ZFP64: variants seen among roughly 807,000 people sequenced by gnomAD.
ZFP64 encodes ZFP64 zinc finger protein.
A neutral mutation model predicts 51.6 loss-of-function variants in ZFP64; 14 were observed. The ratio of observed to expected loss-of-function variants is 0.27; its 90% CI spans 0.18 to 0.42. The LOEUF is 0.42. Among genes scored for constraint, ZFP64 ranks in the 10% least tolerant of loss-of-function variants. The pLI is 1.00. For missense variants in ZFP64, 754 were observed against 906.8 expected (o/e 0.83, Z 2.16); for synonymous variants, 375 against 361.4 (o/e 1.04, Z -0.43).
At position 52,152,266 on chromosome 20, in the gene ZFP64, G is replaced by T; in HGVS notation, c.1926C>A (p.Thr642=). 1 of 1,614,044 alleles carries T rather than the reference G, an allele frequency of 6.2e-7. No individual in the cohort carries two copies. Among genetic ancestry groups the T allele is most frequent in the Non-Finnish European group, 8.5e-7 (1 of 1,179,994 alleles). ...AGGAGGAGAAGACCGGTGGCGCTGT[G>T]GTGGCCACTGCGATGTTCTGGCCTC... The part of the protein sequence containing the change: ...SDGGQNIAVA[T]TAPPVFSSSS... Residue 642 remains threonine (T), a synonymous_variant, in exon 6 of 6, where the codon ACC becomes ACA. Coordinates refer to ENST00000216923, the MANE Select transcript of ZFP64 (RefSeq NM_018197.3).
intron 5 of ZFP64, chr20:52,110,617 C>T: frequency 1.1e-6 from 1 of 917,252 alleles, no homozygotes; most frequent in Admixed American, 2.4e-5. Context: ...GCCAGAGGCC[C>T]TGATGAACTC....
At chr20:52,128,414 C>A (rs2059375403) in intron 5 of ZFP64, among the ~76,000 whole-genome samples, 1 of 152,176 alleles carries the variant, frequency 6.6e-6, no homozygotes. Context: ...TATTCTGTAG[C>A]TGGAGAAAGG....
In ZFP64 at chr20:52,105,177, G is replaced by A. The variant is rs764471544; in HGVS notation, c.764-6590C>T. 8.3e-6 allele frequency: 12 copies of A among 1,438,934 alleles called. No homozygotes were observed. In the Admixed American group the frequency reaches 1.1e-4, roughly 13 times the overall value. The allele number at this position is 1,438,934 out of a possible 1,614,324, so 89.1% of individuals were successfully genotyped here. A position where few individuals can be genotyped will look rare whatever the true frequency, so the allele number is the denominator to read the frequency against. ...GGGGCCACCTCCGCACACTCCCGGC[G>A]CGCAGGCCGCGGCTCCTCGGAGTTG... On this transcript the variant is annotated intron_variant, in intron 5 of 8. Transcript: ENST00000361387.
chr20:52,173,827 T>G (rs1426059837), intron 2 of ZFP64, among the ~76,000 whole-genome samples: 4 of 151,996 alleles, frequency 2.6e-5, no homozygotes, highest in Non-Finnish European at 5.9e-5. Flanking sequence ...TTTTGTATTT[T>G]TAGCAGAGAT....
intron 5 of ZFP64, among the ~76,000 whole-genome samples, chr20:52,137,498 C>T (rs1980035585): frequency 6.6e-6 from 1 of 152,176 alleles, no homozygotes. Context: ...CACCTATGTG[C>T]CCTTCTGAGG....
chr20:52,117,699 T>C (rs67904269), intron 5 of ZFP64: 214,660 of 456,300 alleles, frequency 0.47, 53,022 homozygotes, highest in Admixed American at 0.58. Context: ...AAGTGCAGCA[T>C]GGGTGTGGAC....
At position 52,153,733 on chromosome 20, in the gene ZFP64, C is replaced by T. The variant is rs994480291; in HGVS notation, c.764-305G>A. ...TGTTATATTCTTTAAAACACTCAAA[C>T]TATCTTTCATACAGTTAATTTGCCC... On this transcript the variant is annotated intron_variant, in intron 5 of 5. Transcript: ENST00000216923. This position sits in a 1 kb window ranked among gnomAD's most constrained non-coding sequence, Gnocchi z 5.1. Among the ~76,000 whole-genome samples the T allele has an allele frequency of 3.3e-5, 5 of 152,242 alleles. No homozygotes were observed. The highest frequency in any genetic ancestry group is 2.0e-4 in the Admixed American group (3 of 15,278).
downstream of ZFP64, among the ~76,000 whole-genome samples, chr20:52,147,028 A>G (rs1157747230): frequency 1.3e-5 from 2 of 152,228 alleles, no homozygotes; most frequent in African/African-American, 4.8e-5. Flanking sequence ...TTAAGAAGAT[A>G]TTTGATAAAA....
chr20:52,123,172 G>A (rs1274604767), intron 5 of ZFP64, among the ~76,000 whole-genome samples: 1 of 152,054 alleles, frequency 6.6e-6, no homozygotes, highest in Non-Finnish European at 1.5e-5. Context: ...TGTAATTGTA[G>A]TAGGGATGGG....
intron 7 of ZFP64, among the ~76,000 whole-genome samples, chr20:52,093,133 TAAA>T (rs1185373631): frequency 6.6e-6 from 1 of 150,768 alleles, no homozygotes; most frequent in South Asian, 2.1e-4. Flanking sequence ...ATCAGGAGAT[TAAA>T]AAAAAAATTT....
chr20:52,094,635 T>C (rs1346853121), intron 7 of ZFP64, among the ~76,000 whole-genome samples: 1 of 152,158 alleles, frequency 6.6e-6, no homozygotes, highest in East Asian at 1.9e-4. Context: ...GGGGCATGCC[T>C]GCAGCCCCAG....
intron 5 of ZFP64, among the ~76,000 whole-genome samples, chr20:52,144,537 G>A (rs1392445671): frequency 1.6e-5 from 2 of 122,128 alleles, no homozygotes; most frequent in African/African-American, 3.2e-5. Flanking sequence ...CCGAGATCGC[G>A]CCACTGCACT....
intron 5 of ZFP64, among the ~76,000 whole-genome samples, chr20:52,099,207 G>A (rs756976097): frequency 5.3e-5 from 8 of 152,052 alleles, no homozygotes; most frequent in Non-Finnish European, 1.2e-4. Flanking sequence ...TCCATCCCAG[G>A]CTGATATTTC....
intron 2 of ZFP64, among the ~76,000 whole-genome samples, chr20:52,181,809 G>C (rs185442007): frequency 7.5e-4 from 114 of 152,258 alleles, no homozygotes; most frequent in Middle Eastern, 3.4e-3. Flanking sequence ...AGGGGATCTT[G>C]GTCCATAGGC....
At chr20:52,084,289 C>G (rs2078840715) in exon 9 of ZFP64, 2 of 488,084 alleles carry the variant, frequency 4.1e-6, no homozygotes, top group Admixed American at 3.6e-5. Flanking sequence ...TAGAGCAGGG[C>G]TTGGCAGACC....
At position 52,153,490 on chromosome 20, in the gene ZFP64, G is replaced by A. The variant is rs1254229028; in HGVS notation, c.764-62C>T. ...GGCAACAACCACAGCGGATCCCCCCGAAGCACACACCAGAAAATCGCTTAT... is the reference window on the plus strand; with the variant it reads ...GGCAACAACCACAGCGGATCCCCCCAAAGCACACACCAGAAAATCGCTTAT... On this transcript the variant is annotated intron_variant, in intron 5 of 5. Transcript: ENST00000216923. The surrounding 1 kb of genome is among the most constrained non-coding windows in gnomAD (Gnocchi z 5.1). 5 of 1,542,922 alleles carry A rather than the reference G, an allele frequency of 3.2e-6. No individual in the cohort carries two copies. The highest frequency in any genetic ancestry group is 1.7e-4 in the Middle Eastern group (1 of 5,792).
chr20:52,131,670 C>T (rs566562042), intron 5 of ZFP64, among the ~76,000 whole-genome samples: 22 of 152,190 alleles, frequency 1.4e-4, no homozygotes, highest in African/African-American at 4.3e-4. Flanking sequence ...AAAAAGATAT[C>T]GCAGTTTTAA....
At chr20:52,093,415 C>G (rs957911325) in intron 7 of ZFP64, among the ~76,000 whole-genome samples, 1 of 152,254 alleles carries the variant, frequency 6.6e-6, no homozygotes, top group African/African-American at 2.4e-5. Flanking sequence ...GCTGGGATTA[C>G]AGGCGTGAGC....
rs1044052963 is a variant in ZFP64, at chr20:52,152,122, C to T, written c.*24G>A. 26 of 1,580,560 alleles carry T rather than the reference C, an allele frequency of 1.6e-5. No homozygotes were observed. Among genetic ancestry groups the T allele is most frequent in the Non-Finnish European group, 2.2e-5 (25 of 1,160,468 alleles). ...ATTTCTTTTTCTCAATTCCTTTCCC[C>T]CACTCCTTTTGTTTTTTTAAGCACT... On this transcript the variant is annotated 3_prime_UTR_variant, in exon 6 of 6. Coordinates refer to ENST00000216923, the MANE Select transcript of ZFP64 (RefSeq NM_018197.3).
Sources: gnomAD v4.1 joint callset for allele counts (sites outside exome capture counted in the v4.1 genomes callset) on GRCh38, gnomAD v4.1.1 for gene constraint, Gnocchi (gnomAD v3.1) non-coding constraint, MANE v1.5 for transcripts, NCBI Gene and HGNC (gene_info 2026-07-23, HGNC 2026-07-21) for gene names.